ANKRD52: variants seen among roughly 807,000 people sequenced by gnomAD.
ANKRD52 encodes the protein ankyrin repeat domain 52.
A neutral mutation model predicts 116.0 loss-of-function variants in ANKRD52; 7 were observed. The ratio of observed to expected loss-of-function variants is 0.06; its 90% CI spans 0.03 to 0.11. The LOEUF is 0.11. ANKRD52 is among the 10% of genes least tolerant of loss of function. ANKRD52 has a pLI of 1.00. For missense variants in ANKRD52, 839 were observed against 1,408.6 expected, an observed-to-expected ratio of 0.60 and a Z score of 6.47; for synonymous variants, 528 against 578.1, an observed-to-expected ratio of 0.91 and a Z score of 1.24.
chr12:56,254,109 G>A lies in ANKRD52; in HGVS notation c.864C>T (p.Cys288=), dbSNP rs763186587. 6.2e-7 allele frequency: 1 copy of A among 1,613,838 alleles called. No individual in the cohort carries two copies. Among genetic ancestry groups the A allele is most frequent in the Non-Finnish European group, 8.5e-7 (1 of 1,179,860 alleles). Residue 288 remains cysteine (C), a synonymous_variant, in exon 8 of 28, where the codon TGC becomes TGT. Coordinates refer to ENST00000267116, the MANE Select transcript of ANKRD52 (RefSeq NM_173595.4). This position sits in a 1 kb window ranked among gnomAD's most constrained non-coding sequence, Gnocchi z 4.6. ...CCCCATTATTAACCAGTAGCTCCAA[G>A]CAGAGAGCGCCATTGGTGGAGACTG... ...VAAVSTNGAL[C]LELLVNNGAD...
Position 56,239,284 on chromosome 12 carries a change from A to G in ANKRD52, c.*3858T>C, listed in dbSNP as rs1487621309. 1.3e-5 allele frequency: 2 copies of G among 152,328 alleles called. No homozygotes were observed. The highest frequency in any genetic ancestry group is 4.8e-5 in the African/African-American group (2 of 41,466). 9.4% of individuals were successfully genotyped at this position (152,328 alleles called of 1,614,324 possible). The stretch of plus-strand genomic sequence containing the variant: ...CCCAGACCACTGGGCTTGGTCCTCA[A>G]AGATTCCTCACCTCCGCCCTTGCCC... On this transcript the variant is annotated 3_prime_UTR_variant, in exon 28 of 28. Coordinates refer to ENST00000267116, the MANE Select transcript of ANKRD52 (RefSeq NM_173595.4).
rs903397076 is a variant in ANKRD52 at position 56,254,484 on chromosome 12, T to A, written c.693+94A>T. ...CCACGTCCTTCCAACTTCCCAAAAC[T>A]ATACCAACATCCCAATACCTCATAT... On this transcript the variant is annotated intron_variant, in intron 7 of 27. Transcript: ENST00000267116. This position sits in a 1 kb window ranked among gnomAD's most constrained non-coding sequence, Gnocchi z 4.6. 4.5e-5 allele frequency: 69 copies of A among 1,541,076 alleles called. No individual in the cohort carries two copies. Among genetic ancestry groups the A allele is most frequent in the Non-Finnish European group, 5.6e-5 (64 of 1,145,066 alleles).
chr12:56,257,087 T>C lies in ANKRD52; in HGVS notation c.191-2A>G. 1 of 1,611,652 alleles carries C rather than the reference T, an allele frequency of 6.2e-7. No individual in the cohort carries two copies. The highest frequency in any genetic ancestry group is 8.5e-7 in the Non-Finnish European group (1 of 1,179,020). ...TGTCCTTAGCATTGACATTAGCACC[T>C]GTGGGGATATAATTTCCTATTTTGA... On this transcript the variant is annotated splice_acceptor_variant, in intron 3 of 27. Coordinates refer to ENST00000267116, the MANE Select transcript of ANKRD52 (RefSeq NM_173595.4). LOFTEE classifies it high-confidence loss of function.
chr12:56,245,235 G>A, intron 21 of ANKRD52, 45 bp from the exon 22 acceptor site: 1 of 1,609,656 alleles, frequency 6.2e-7, no homozygotes, highest in Non-Finnish European at 8.5e-7. Context: ...AAACGGCAAG[G>A]TTCCCTGTCT....
chr12:56,243,342 G>C lies in ANKRD52; in HGVS notation c.3031C>G (p.Leu1011Val). 1.2e-6 allele frequency: 2 copies of C among 1,613,978 alleles called. No individual in the cohort carries two copies. The highest frequency in any genetic ancestry group is 1.7e-6 in the Non-Finnish European group (2 of 1,179,848). Residue 1011 changes from leucine (L) to valine (V), a missense_variant, in exon 28 of 28, where the codon CTG becomes GTG. Leu to Val is a conservative substitution (Grantham distance 32, BLOSUM62 1). Coordinates refer to ENST00000267116, the MANE Select transcript of ANKRD52 (RefSeq NM_173595.4). This position sits in a 1 kb window ranked among gnomAD's most constrained non-coding sequence, Gnocchi z 4.6. Reference protein sequence around the residue: ...CAPNKDVADCLALILSTMKPF... With the variant: ...CAPNKDVADCVALILSTMKPF... ...TTCATGGTGGAAAGGATCAAGGCCA[G>C]GCAGTCTGCCACATCTTTGTTGGGG...
rs146137846 is a variant in ANKRD52 at position 56,255,172 on chromosome 12, T to C, written c.463-220A>G. On this transcript the variant is annotated intron_variant, in intron 5 of 27. Coordinates refer to ENST00000267116, the MANE Select transcript of ANKRD52 (RefSeq NM_173595.4). This position sits in a 1 kb window ranked among gnomAD's most constrained non-coding sequence, Gnocchi z 4.3. Reference sequence around the variant, plus strand: ...AGGGAAACAAGAGAGTCTCTTCAGGTGATCTGGTGGTTCTTAAACTCTTTT... The same window carrying C: ...AGGGAAACAAGAGAGTCTCTTCAGGCGATCTGGTGGTTCTTAAACTCTTTT... 4.6e-4 allele frequency: 223 copies of C among 480,040 alleles called. 4 individuals are homozygous for C. In the Admixed American group the frequency reaches 7.2e-3, roughly 15 times the overall value. The allele number at this position is 480,040 out of a possible 1,614,324, so 29.7% of individuals were successfully genotyped here.
Position 56,240,591 on chromosome 12 carries a change from T to A in ANKRD52, c.*2551A>T, listed in dbSNP as rs1565605463. 1 of 151,992 alleles carries A rather than the reference T, an allele frequency of 6.6e-6. No individual in the cohort carries two copies. The highest frequency in any genetic ancestry group is 2.4e-5 in the African/African-American group (1 of 41,356). 9.4% of individuals were successfully genotyped at this position (151,992 alleles called of 1,614,324 possible). On this transcript the variant is annotated 3_prime_UTR_variant, in exon 28 of 28. Coordinates refer to ENST00000267116, the MANE Select transcript of ANKRD52 (RefSeq NM_173595.4). The surrounding 1 kb of genome is among the most constrained non-coding windows in gnomAD (Gnocchi z 4.2). ...CACACCCGTTTAAGTCAAAGAGGTT[T>A]AAAAAAAATCTTAACATTAAAATAA...
intron 1 of ANKRD52, 140 bp from the exon 2 acceptor site, chr12:56,258,051 C>T: frequency 7.6e-7 from 1 of 1,312,876 alleles, no homozygotes; most frequent in Non-Finnish European, 1.1e-6. Flanking sequence ...CTGGAGCGAG[C>T]TCCCGCGGTG....
intron 15 of ANKRD52, among the ~76,000 whole-genome samples, chr12:56,251,402 A>G (rs1362484742): frequency 6.8e-6 from 1 of 147,778 alleles, no homozygotes; most frequent in African/African-American, 2.5e-5. Flanking sequence ...GTGCCACCAC[A>G]CCTGGTTAAT....
rs1290640526 is a variant in ANKRD52 at position 56,244,082 on chromosome 12, G to T, written c.2857C>A (p.Leu953Ile). The T allele has an allele frequency of 1.2e-6, 2 of 1,613,960 alleles. No individual in the cohort carries two copies. The highest frequency in any genetic ancestry group is 3.3e-5 in the Admixed American group (2 of 60,024). Residue 953 changes from leucine (L) to isoleucine (I), a missense_variant, in exon 26 of 28, where the codon CTT (leucine) becomes ATT (isoleucine). Leu to Ile is a conservative substitution (Grantham distance 5). Around this residue, in one of 2 missense-constraint regions of ANKRD52, gnomAD observed 552 missense variants for 810.6 expected, o/e 0.68. Coordinates refer to ENST00000267116, the MANE Select transcript of ANKRD52 (RefSeq NM_173595.4). This position sits in a 1 kb window ranked among gnomAD's most constrained non-coding sequence, Gnocchi z 4.9. ...MILAETQDLGLINATNSALQM... is the reference protein window; with the variant it reads ...MILAETQDLGIINATNSALQM... ...AGCGCACTGTTGGTAGCATTGATAAGGCCAAGGTCTTGGGTTTCTGCCAGG... is the reference window on the plus strand; with the variant it reads ...AGCGCACTGTTGGTAGCATTGATAATGCCAAGGTCTTGGGTTTCTGCCAGG...
At chr12:56,250,123 G>A (rs568893170) in intron 15 of ANKRD52, among the ~76,000 whole-genome samples, 69 of 152,224 alleles carry the variant, frequency 4.5e-4, no homozygotes, top group Non-Finnish European at 8.1e-4. Context: ...CTTGAACCCC[G>A]GAGGTAGAGG....
At chr12:56,256,145 T>A (rs1047871311) in intron 4 of ANKRD52, among the ~76,000 whole-genome samples, 161 bp from the exon 5 acceptor site, 1 of 152,162 alleles carries the variant, frequency 6.6e-6, no homozygotes, top group African/African-American at 2.4e-5. Flanking sequence ...CTACTTTCCA[T>A]CTTCTGGATC....
Position 56,253,234 on chromosome 12 carries a change from A to G in ANKRD52, c.1100+54T>C. The G allele has an allele frequency of 6.5e-7, 1 of 1,540,168 alleles. No individual in the cohort carries two copies. The highest frequency in any genetic ancestry group is 8.9e-7 in the Non-Finnish European group (1 of 1,120,424). ...TATCTGTGCCTCCATGGTTGATGTG[A>G]GCAGTCTGTGCAGATCTGGGCAGCC... On this transcript the variant is annotated intron_variant, in intron 10 of 27. Coordinates refer to ENST00000267116, the MANE Select transcript of ANKRD52 (RefSeq NM_173595.4). This position sits in a 1 kb window ranked among gnomAD's most constrained non-coding sequence, Gnocchi z 5.5.
Position 56,252,281 on chromosome 12 carries a change from A to G in ANKRD52, c.1405T>C (p.Tyr469His), listed in dbSNP as rs754985447. The change falls in exon 14 of 28, where the codon TAC (tyrosine) becomes CAC (histidine). Residue 469 changes from tyrosine to histidine, a missense_variant. By Grantham distance (83) the Tyr-to-His change is moderately conservative (BLOSUM62 2). Transcript: ENST00000267116. This position sits in a 1 kb window ranked among gnomAD's most constrained non-coding sequence, Gnocchi z 4.7. ...GTCACCAATGTTACTGCACACTGGT[A>G]GCTACCGTTAGCAGCTGCATAGTGC... ...PLHYAAANGS[Y>H]QCAVTLVTAG... The G allele has an allele frequency of 6.2e-7, 1 of 1,614,018 alleles. No individual in the cohort carries two copies. Among genetic ancestry groups the G allele is most frequent in the Non-Finnish European group, 8.5e-7 (1 of 1,179,888 alleles).
In ANKRD52 at chr12:56,252,495, A is replaced by G; in HGVS notation, c.1370+7T>C. 1 of 1,612,918 alleles carries G rather than the reference A, an allele frequency of 6.2e-7. No homozygotes were observed. Among genetic ancestry groups the G allele is most frequent in the East Asian group, 2.2e-5 (1 of 44,884 alleles). On this transcript the variant is annotated splice_region_variant and intron_variant, in intron 13 of 27. Coordinates refer to ENST00000267116, the MANE Select transcript of ANKRD52 (RefSeq NM_173595.4). The surrounding 1 kb of genome is among the most constrained non-coding windows in gnomAD (Gnocchi z 4.7). ...TTCCCTATGTTTACCCCTGCATATT[A>G]GCATACCTGCCAAATTTGTCCCTCC...
chr12:56,241,856 G>A lies in ANKRD52; in HGVS notation c.*1286C>T, dbSNP rs79624973. 0.014 allele frequency: 5,413 copies of A among 397,432 alleles called. 53 individuals are homozygous for A. The highest frequency in any genetic ancestry group is 0.017 in the Non-Finnish European group (3,946 of 225,886). The allele number at this position is 397,432 out of a possible 1,614,324, so 24.6% of individuals were successfully genotyped here. Reference sequence around the variant, plus strand: ...CAGCCCAGTTTGGCTTTTGGGGTGCGACTTTAGAAATCTTATCAGTGCAGC... The same window carrying A: ...CAGCCCAGTTTGGCTTTTGGGGTGCAACTTTAGAAATCTTATCAGTGCAGC... On this transcript the variant is annotated 3_prime_UTR_variant, in exon 28 of 28. Transcript: ENST00000267116.
At position 56,244,589 on chromosome 12, in the gene ANKRD52, G is replaced by A; in HGVS notation, c.2722+63C>T. The A allele has an allele frequency of 1.2e-6, 2 of 1,608,348 alleles. No homozygotes were observed. Among genetic ancestry groups the A allele is most frequent in the Non-Finnish European group, 1.7e-6 (2 of 1,177,202 alleles). On this transcript the variant is annotated intron_variant, in intron 24 of 27. Transcript: ENST00000267116. This position sits in a 1 kb window ranked among gnomAD's most constrained non-coding sequence, Gnocchi z 4.9. ...AGCCCCAGCCAGCCTCCACAGGCAG[G>A]GCTGACCCATCCTGCAAATGCCCCA...
In ANKRD52 at chr12:56,252,845, A is replaced by G; in HGVS notation, c.1236T>C (p.Ala412=). The G allele has an allele frequency of 6.2e-7, 1 of 1,614,006 alleles. No homozygotes were observed. The highest frequency in any genetic ancestry group is 8.5e-7 in the Non-Finnish European group (1 of 1,179,890). ...SSLSNEHVLS[A]GFDINTPDNL... ...TGTCAGGTGTATTGATGTCAAACCC[A>G]GCTGAAAGCACATGCTCATTGCTGA... The change falls in exon 12 of 28, where the codon GCT becomes GCC. Residue 412 remains alanine (A), a synonymous_variant. Transcript: ENST00000267116. The surrounding 1 kb of genome is among the most constrained non-coding windows in gnomAD (Gnocchi z 4.7).
rs2135876253 is a variant in ANKRD52 at position 56,243,048 on chromosome 12, T to C, written c.*94A>G. 7.0e-7 allele frequency: 1 copy of C among 1,427,226 alleles called. No individual in the cohort carries two copies. Among genetic ancestry groups the C allele is most frequent in the Non-Finnish European group, 9.2e-7 (1 of 1,082,608 alleles). 88.4% of individuals were successfully genotyped at this position (1,427,226 alleles called of 1,614,324 possible). A position where few individuals can be genotyped will look rare whatever the true frequency, so the allele number is the denominator to read the frequency against. Reference sequence around the variant, plus strand: ...CCCCTCCGCCCCCTCCACCCAGTCGTGTTCTCCTTTAAAGTGCCCTAAATG... The same window carrying C: ...CCCCTCCGCCCCCTCCACCCAGTCGCGTTCTCCTTTAAAGTGCCCTAAATG... On this transcript the variant is annotated 3_prime_UTR_variant, in exon 28 of 28. Transcript: ENST00000267116. The surrounding 1 kb of genome is among the most constrained non-coding windows in gnomAD (Gnocchi z 4.6).
Sources: gnomAD v4.1 joint callset for allele counts (sites outside exome capture counted in the v4.1 genomes callset) on GRCh38, gnomAD v4.1.1 for gene constraint, gnomAD v4.1.1 regional missense constraint, Gnocchi (gnomAD v3.1) non-coding constraint, MANE v1.5 for transcripts, NCBI Gene and HGNC (gene_info 2026-07-23, HGNC 2026-07-21) for gene names.